Variants in PARN observed in about 807,000 individuals in gnomAD.
The protein encoded by PARN is poly(A)-specific ribonuclease, also known as poly(A)-specific ribonuclease PARN.
Under a neutral mutation model 102.8 loss-of-function variants are expected in PARN, and 71 were observed. The ratio of observed to expected loss-of-function variants is 0.69; its 90% CI spans 0.57 to 0.84. The LOEUF is 0.84. Ranked by LOEUF, PARN falls within the 40% of genes least tolerant of loss-of-function variation. The pLI is 0.00. For synonymous variants in PARN, 261 were observed against 252.9 expected (o/e 1.03, Z -0.30); for missense variants, 782 against 760.9 (o/e 1.03, Z -0.33).
intron 13 of PARN, among the ~76,000 whole-genome samples, chr16:14,587,878 A>G (rs1969953914): frequency 6.6e-6 from 1 of 152,186 alleles, no homozygotes. Context: ...ATTCCACTTA[A>G]CGTTCATTAA....
At chr16:14,463,778 C>T (rs748675753) in intron 22 of PARN, among the ~76,000 whole-genome samples, 6 of 142,756 alleles carry the variant, frequency 4.2e-5, no homozygotes, top group African/African-American at 1.0e-4. Context: ...AAAATGAGAG[C>T]GGGAAAAAGA....
chr16:14,519,862 G>A (rs1040101315), intron 21 of PARN, among the ~76,000 whole-genome samples: 3 of 151,950 alleles, frequency 2.0e-5, no homozygotes, highest in African/African-American at 7.3e-5. Flanking sequence ...AAAGAAAAAG[G>A]CATGCTAGAA....
chr16:14,586,675 G>A (rs1190624403), intron 13 of PARN, among the ~76,000 whole-genome samples: 1 of 152,156 alleles, frequency 6.6e-6, no homozygotes, highest in Non-Finnish European at 1.5e-5. Flanking sequence ...CTATTTGAGA[G>A]GCCTGTAATA....
At chr16:14,475,953 A>G (rs1190579770) in intron 22 of PARN, among the ~76,000 whole-genome samples, 1 of 152,248 alleles carries the variant, frequency 6.6e-6, no homozygotes, top group Non-Finnish European at 1.5e-5. Flanking sequence ...ATATAAGACA[A>G]AAGATCGCAA....
chr16:14,500,775 A>C (rs1964546109), intron 21 of PARN, among the ~76,000 whole-genome samples: 1 of 152,186 alleles, frequency 6.6e-6, no homozygotes, highest in Non-Finnish European at 1.5e-5. Flanking sequence ...AGCAGCTTTC[A>C]TGGAACCCAG....
At chr16:14,473,643 C>A (rs1321151155) in intron 22 of PARN, among the ~76,000 whole-genome samples, 2 of 152,086 alleles carry the variant, frequency 1.3e-5, no homozygotes, top group African/African-American at 4.8e-5. Flanking sequence ...TCCCAAGAGG[C>A]CCAGGGCAAG....
At chr16:14,598,893 T>C (rs1160861854) in intron 12 of PARN, among the ~76,000 whole-genome samples, 1 of 152,088 alleles carries the variant, frequency 6.6e-6, no homozygotes, top group Non-Finnish European at 1.5e-5. Context: ...TATAAGATGA[T>C]TCCTTCTCCC....
At position 14,582,267 on chromosome 16, in the gene PARN, TA is replaced by T; in HGVS notation, c.1105del (p.Tyr369MetfsTer29). 1 of 1,613,738 alleles carries T rather than the reference TA, an allele frequency of 6.2e-7. No individual in the cohort carries two copies. Among genetic ancestry groups the T allele is most frequent in the Non-Finnish European group, 8.5e-7 (1 of 1,179,624 alleles). ...KVESAEGFPS[Y>X]DTASEQLHEA... ...GTGGAGTTGTTCAGAGGCTGTGTCA[TA>T]ACTTGGAAAACCTTCGGCACTTTCT... On this transcript the variant is annotated frameshift_variant, in exon 17 of 24. Transcript: ENST00000437198. LOFTEE classifies it high-confidence loss of function.
At chr16:14,520,978 G>C (rs1965704190) in intron 21 of PARN, among the ~76,000 whole-genome samples, 1 of 152,176 alleles carries the variant, frequency 6.6e-6, no homozygotes. Flanking sequence ...TCAGAGCATG[G>C]AGGAGACTGG....
chr16:14,548,467 T>C (rs999527896), intron 21 of PARN, among the ~76,000 whole-genome samples: 1 of 152,194 alleles, frequency 6.6e-6, no homozygotes, highest in Non-Finnish European at 1.5e-5. Flanking sequence ...ATTTATGCAA[T>C]TCAATAAATA....
chr16:14,530,210 T>C (rs1424008785), intron 21 of PARN, among the ~76,000 whole-genome samples: 1 of 152,184 alleles, frequency 6.6e-6, no homozygotes, highest in African/African-American at 2.4e-5. Context: ...TCCAGACCTG[T>C]GGAGACCACA....
chr16:14,522,717 G>A (rs374918859), intron 21 of PARN, among the ~76,000 whole-genome samples: 13 of 152,264 alleles, frequency 8.5e-5, no homozygotes, highest in African/African-American at 3.1e-4. Flanking sequence ...ATCAAGATGG[G>A]CACACAGAAA....
At position 14,621,979 on chromosome 16, in the gene PARN, G is replaced by A. The variant is rs144684019; in HGVS notation, c.328-4329C>T. On this transcript the variant is annotated intron_variant, in intron 5 of 23. Transcript: ENST00000437198. ...AGGCCAAGGCGGGTGGATCACTTGA[G>A]GTCAGGAATTCGTGACCAGACTGGC... 8.2e-3 allele frequency among the ~76,000 whole-genome samples: 1,241 copies of A among 152,194 alleles called. 19 individuals carry two copies. Among genetic ancestry groups the A allele is most frequent in the African/African-American group, 0.028 (1,164 of 41,510 alleles).
Position 14,610,771 on chromosome 16 carries a change from T to C in PARN, c.427A>G (p.Arg143Gly). 2.5e-6 allele frequency: 4 copies of C among 1,611,680 alleles called. No individual in the cohort carries two copies. The highest frequency in any genetic ancestry group is 3.4e-6 in the Non-Finnish European group (4 of 1,177,822). ...GAACGTTTTTCATCATACTGCTCTC[T>C]TAACTGTCTTTCTTCTTCCTGATTT... ...YLNQEEERQL[R>G]EQYDEKRSQA... Residue 143 changes from arginine (R) to glycine (G), a missense_variant, in exon 7 of 24, where the codon AGA becomes GGA. By Grantham distance (125) the Arg-to-Gly change is moderately radical. Transcript: ENST00000437198.
In PARN at chr16:14,630,246, G is replaced by T. The variant is rs1301783559; in HGVS notation, c.-121C>A. On this transcript the variant is annotated 5_prime_UTR_variant, in exon 1 of 24. Coordinates refer to ENST00000437198, the MANE Select transcript of PARN (RefSeq NM_002582.4). ...GGCAGCCGCAGCGGTGACGCCGGCC[G>T]CGACTTCCGGAAACAGCGCGCGCCT... is the stretch of plus-strand genomic sequence containing the variant. 4 of 862,982 alleles carry T rather than the reference G, an allele frequency of 4.6e-6. No homozygotes were observed. Among genetic ancestry groups the T allele is most frequent in the East Asian group, 2.9e-5 (1 of 34,394 alleles). 53.5% of individuals were successfully genotyped at this position (862,982 alleles called of 1,614,324 possible). A position where few individuals can be genotyped will look rare whatever the true frequency, so the allele number is the denominator to read the frequency against.
intron 22 of PARN, among the ~76,000 whole-genome samples, chr16:14,448,556 G>T (rs1237138352): frequency 6.6e-6 from 1 of 152,206 alleles, no homozygotes; most frequent in African/African-American, 2.4e-5. Flanking sequence ...CCAAAGTGCT[G>T]GGATTACAGG....
In PARN at chr16:14,610,692, C is replaced by G; in HGVS notation, c.506G>C (p.Cys169Ser). The G allele has an allele frequency of 2.5e-6, 4 of 1,610,982 alleles. No homozygotes were observed. The highest frequency in any genetic ancestry group is 3.4e-6 in the Non-Finnish European group (4 of 1,177,192). ...LSYVSPNTSK[C>S]PVTIPEDQKK... The stretch of plus-strand genomic sequence containing the variant: ...TTGATCCTCAGGAATCGTGACAGGA[C>G]ATTTTGAAGTGTTAGGAGATACATA... The change falls in exon 7 of 24, where the codon TGT becomes TCT. Residue 169 changes from cysteine (C) to serine (S), a missense_variant. Coordinates refer to ENST00000437198, the MANE Select transcript of PARN (RefSeq NM_002582.4).
chr16:14,444,698 T>G (rs1235002611), intron 23 of PARN, among the ~76,000 whole-genome samples: 1 of 152,216 alleles, frequency 6.6e-6, no homozygotes, highest in African/African-American at 2.4e-5. Context: ...GTACGATCTC[T>G]AGAAATCATG....
intron 21 of PARN, among the ~76,000 whole-genome samples, chr16:14,492,053 T>C (rs1339528996): frequency 1.3e-5 from 2 of 152,244 alleles, no homozygotes; most frequent in East Asian, 3.8e-4. Flanking sequence ...CCCACCTGCC[T>C]GCTCACACCC....
Sources: allele counts gnomAD v4.1 joint callset (sites outside exome capture counted in the v4.1 genomes callset), GRCh38; gene constraint gnomAD v4.1.1; transcripts MANE v1.5; gene names NCBI Gene and HGNC (gene_info 2026-07-23, HGNC 2026-07-21).